The following HS3ST4 variants were observed in gnomAD, a reference collection of about 807,000 sequenced individuals.
HS3ST4 encodes the protein heparan sulfate glucosamine 3-O-sulfotransferase 4.
A neutral mutation model predicts 29.2 loss-of-function variants in HS3ST4; 17 were observed. The observed-to-expected ratio is 0.58, with a 90% confidence interval of 0.40 to 0.87. The LOEUF (loss-of-function observed/expected upper bound fraction) is 0.87. Among genes scored for constraint, HS3ST4 ranks in the 40% least tolerant of loss-of-function variants. The pLI is 0.00. For missense variants in HS3ST4, 627 were observed against 634.5 expected (o/e 0.99, Z 0.13); for synonymous variants, 314 against 285.7 (o/e 1.10, Z -1.00).
intron 1 of HS3ST4, among the ~76,000 whole-genome samples, chr16:25,982,885 G>A (rs2141723436): frequency 6.6e-6 from 1 of 152,256 alleles, no homozygotes; most frequent in Non-Finnish European, 1.5e-5. Flanking sequence ...TGTGTCTCCA[G>A]GCTAAAGTCC....
intron 1 of HS3ST4, among the ~76,000 whole-genome samples, chr16:25,708,897 T>G (rs572443016): frequency 1.8e-4 from 28 of 152,284 alleles, no homozygotes; most frequent in Non-Finnish European, 3.4e-4. Flanking sequence ...CAAATCACAA[T>G]ATGTTAGAAC....
chr16:25,762,176 ATCT>A (rs1260446423), intron 1 of HS3ST4, among the ~76,000 whole-genome samples: 2 of 152,110 alleles, frequency 1.3e-5, no homozygotes, highest in East Asian at 1.9e-4. Flanking sequence ...TGGCACCCTG[ATCT>A]TCTAGCCTCC....
chr16:26,030,763 C>G (rs1175357228), intron 1 of HS3ST4, among the ~76,000 whole-genome samples: 2 of 152,158 alleles, frequency 1.3e-5, no homozygotes, highest in African/African-American at 2.4e-5. Flanking sequence ...GGTCTTGGGT[C>G]CTAGAAACCC....
At chr16:25,730,441 C>A (rs1966563303) in intron 1 of HS3ST4, among the ~76,000 whole-genome samples, 1 of 146,116 alleles carries the variant, frequency 6.8e-6, no homozygotes, top group South Asian at 2.3e-4. Flanking sequence ...TCTCTTCCTC[C>A]CTCTCTCCCT....
intron 1 of HS3ST4, among the ~76,000 whole-genome samples, chr16:25,910,390 C>A (rs915880057): frequency 6.6e-6 from 1 of 152,096 alleles, no homozygotes; most frequent in Non-Finnish European, 1.5e-5. Flanking sequence ...CCTGTAATCC[C>A]AGCACTTTGG....
chr16:26,018,833 A>G (rs1029915053), intron 1 of HS3ST4, among the ~76,000 whole-genome samples: 3 of 120,144 alleles, frequency 2.5e-5, no homozygotes, highest in East Asian at 2.1e-4. Context: ...CTCCTCATGG[A>G]AAAAAAAAAA....
At chr16:25,839,269 T>G (rs1967390364) in intron 1 of HS3ST4, among the ~76,000 whole-genome samples, 1 of 152,212 alleles carries the variant, frequency 6.6e-6, no homozygotes, top group African/African-American at 2.4e-5. Context: ...TATCTGATTT[T>G]ATGAAGACAT....
At chr16:26,076,111 C>T (rs556888669) in intron 1 of HS3ST4, among the ~76,000 whole-genome samples, 6 of 152,260 alleles carry the variant, frequency 3.9e-5, no homozygotes, top group East Asian at 1.9e-4. Flanking sequence ...TTGGTTTTAT[C>T]GGTGTCTATG....
intron 1 of HS3ST4, among the ~76,000 whole-genome samples, chr16:25,981,769 T>C (rs1261318741): frequency 2.0e-5 from 3 of 152,296 alleles, no homozygotes; most frequent in South Asian, 4.1e-4. Context: ...TAGCACATGA[T>C]AGTCACTCAA....
intron 1 of HS3ST4, among the ~76,000 whole-genome samples, chr16:25,894,840 A>G (rs902921786): frequency 4.6e-5 from 7 of 152,164 alleles, no homozygotes; most frequent in African/African-American, 1.7e-4. Context: ...AGTTGGTAGG[A>G]AAATTCCTTC....
intron 1 of HS3ST4, among the ~76,000 whole-genome samples, chr16:26,113,050 A>G (rs1431249878): frequency 6.6e-6 from 1 of 152,246 alleles, no homozygotes; most frequent in African/African-American, 2.4e-5. Context: ...GGCAGTGTCT[A>G]TCATCAGAAA....
intron 1 of HS3ST4, among the ~76,000 whole-genome samples, chr16:26,000,129 A>G (rs908426069): frequency 1.3e-5 from 2 of 151,832 alleles, no homozygotes; most frequent in Admixed American, 6.6e-5. Flanking sequence ...GCAATTTGTG[A>G]TACGTAGACA....
intron 1 of HS3ST4, among the ~76,000 whole-genome samples, chr16:25,832,384 C>T (rs999082671): frequency 6.6e-6 from 1 of 152,208 alleles, no homozygotes; most frequent in Non-Finnish European, 1.5e-5. Context: ...CCCACTGGCT[C>T]AGAGCATCCC....
At chr16:25,745,023 A>G (rs190377675) in intron 1 of HS3ST4, among the ~76,000 whole-genome samples, 1 of 92,064 alleles carries the variant, frequency 1.1e-5, no homozygotes, top group Non-Finnish European at 2.2e-5. Context: ...GAAGAGATAA[A>G]GAAGGCACAT....
chr16:26,117,385 C>G (rs1473698269), intron 1 of HS3ST4, among the ~76,000 whole-genome samples: 1 of 152,174 alleles, frequency 6.6e-6, no homozygotes, highest in African/African-American at 2.4e-5. Flanking sequence ...CATTCTTGTT[C>G]CTGGTCTTTG....
intron 1 of HS3ST4, among the ~76,000 whole-genome samples, chr16:25,931,298 A>G (rs1336971046): frequency 6.6e-6 from 1 of 152,196 alleles, no homozygotes. Flanking sequence ...TCTACCAGCC[A>G]TGGAGTCCTT....
chr16:25,754,939 GCCTATCTATCTAC>G (rs1203020157), intron 1 of HS3ST4, among the ~76,000 whole-genome samples: 4 of 150,614 alleles, frequency 2.7e-5, no homozygotes, highest in African/African-American at 9.8e-5. Flanking sequence ...CCACCCATCT[GCCTATCTATCTAC>G]CCATCCAGGT....
chr16:25,978,762 G>A (rs548363210), intron 1 of HS3ST4, among the ~76,000 whole-genome samples: 8 of 151,942 alleles, frequency 5.3e-5, no homozygotes, highest in African/African-American at 1.7e-4. Flanking sequence ...ACTTCCTATC[G>A]ATCAGAAACA....
intron 1 of HS3ST4, among the ~76,000 whole-genome samples, chr16:26,055,842 T>C (rs982250152): frequency 6.6e-6 from 1 of 152,140 alleles, no homozygotes; most frequent in Non-Finnish European, 1.5e-5. Context: ...ATGCTAACCG[T>C]CTGATGGATT....
Sources: gnomAD v4.1 joint callset for allele counts (sites outside exome capture counted in the v4.1 genomes callset) on GRCh38, gnomAD v4.1.1 for gene constraint, MANE v1.5 for transcripts, NCBI Gene and HGNC (gene_info 2026-07-23, HGNC 2026-07-21) for gene names.